The following THSD4 variants were observed in gnomAD, a reference collection of about 807,000 sequenced individuals.
THSD4 encodes the protein thrombospondin type 1 domain containing 4.
In THSD4, 69 loss-of-function variants were observed where a neutral mutation model predicts 119.0. The observed-to-expected ratio is 0.58, with a 90% CI of 0.48 to 0.71. The LOEUF is 0.71. THSD4 is among the 30% of genes least tolerant of loss of function. The pLI is 0.00. For missense variants in THSD4, 1,393 were observed against 1,391.1 expected, an observed-to-expected ratio of 1.00 and a Z score of -0.02; for synonymous variants, 524 against 540.4, an observed-to-expected ratio of 0.97 and a Z score of 0.42.
At chr15:71,676,376 G>T (rs1390726708) in intron 8 of THSD4, among the ~76,000 whole-genome samples, 2 of 152,046 alleles carry the variant, frequency 1.3e-5, no homozygotes, top group African/African-American at 4.8e-5. Context: ...CTGCCTCCCG[G>T]GTTCAAGCGA....
chr15:71,163,149 A>G (rs943997771), intron 3 of THSD4, among the ~76,000 whole-genome samples: 14 of 151,902 alleles, frequency 9.2e-5, no homozygotes, highest in African/African-American at 2.9e-4. Flanking sequence ...CTTTGGGGTC[A>G]GTTAATGAAG....
intron 10 of THSD4, chr15:71,732,466 C>T (rs1052256172): frequency 6.6e-6 from 1 of 152,144 alleles, no homozygotes; most frequent in African/African-American, 2.4e-5. Context: ...TGATGGAGCC[C>T]ACCACCCAAA....
At chr15:71,320,698 A>G (rs1480549729) in intron 6 of THSD4, among the ~76,000 whole-genome samples, 1 of 152,210 alleles carries the variant, frequency 6.6e-6, no homozygotes, top group Non-Finnish European at 1.5e-5. Flanking sequence ...TGGGACTCGC[A>G]CTGCTTGTCC....
chr15:71,716,504 AT>A (rs2052609716), intron 8 of THSD4, among the ~76,000 whole-genome samples: 2 of 150,594 alleles, frequency 1.3e-5, no homozygotes, highest in Admixed American at 6.6e-5. Flanking sequence ...GCACTGGAGT[AT>A]TGATTTAATT....
At chr15:71,382,422 A>G (rs1596385610) in intron 6 of THSD4, among the ~76,000 whole-genome samples, 1 of 152,304 alleles carries the variant, frequency 6.6e-6, no homozygotes, top group East Asian at 1.9e-4. Flanking sequence ...ATTTCCTTCT[A>G]ATTTTAGCCA....
intron 7 of THSD4, among the ~76,000 whole-genome samples, chr15:71,522,237 C>G (rs1404391302): frequency 6.6e-6 from 1 of 152,138 alleles, no homozygotes; most frequent in Admixed American, 6.6e-5. Context: ...TAAAATAAAA[C>G]CCTGCTCATT....
At chr15:71,250,029 G>T (rs1202700357) in intron 5 of THSD4, among the ~76,000 whole-genome samples, 1 of 152,150 alleles carries the variant, frequency 6.6e-6, no homozygotes, top group Non-Finnish European at 1.5e-5. Context: ...TCCTTTGCAA[G>T]GTTAGAAATG....
At chr15:71,547,366 G>A (rs1235311233) in intron 7 of THSD4, 1 of 1,548,562 alleles carries the variant, frequency 6.5e-7, no homozygotes, top group Non-Finnish European at 8.7e-7. Flanking sequence ...TTAGCACTTG[G>A]CAGACGGAGT....
upstream of THSD4, chr15:71,114,969 G>C (rs2040342991): frequency 6.6e-6 from 1 of 152,314 alleles, no homozygotes; most frequent in South Asian, 2.1e-4. Context: ...CCTGCCCTTA[G>C]AGTCACCGCC....
At chr15:71,531,954 C>A (rs945074366) in intron 7 of THSD4, among the ~76,000 whole-genome samples, 3 of 152,156 alleles carry the variant, frequency 2.0e-5, no homozygotes, top group African/African-American at 7.2e-5. Flanking sequence ...CTCCAGCTCA[C>A]CCATAACCCC....
At chr15:71,649,112 A>C (rs778869423) in intron 7 of THSD4, among the ~76,000 whole-genome samples, 10 of 152,156 alleles carry the variant, frequency 6.6e-5, no homozygotes, top group South Asian at 2.1e-4. Context: ...CTTCAGATTC[A>C]AAGTCCTTAG....
intron 7 of THSD4, among the ~76,000 whole-genome samples, chr15:71,628,234 G>T (rs1161192376): frequency 6.6e-6 from 1 of 152,126 alleles, no homozygotes; most frequent in Non-Finnish European, 1.5e-5. Context: ...ATTGACAGAG[G>T]AGCAGAAGCC....
At chr15:71,687,005 C>T (rs915161220) in intron 8 of THSD4, among the ~76,000 whole-genome samples, 2 of 152,140 alleles carry the variant, frequency 1.3e-5, no homozygotes, top group Non-Finnish European at 2.9e-5. Context: ...GAGAGTTCTA[C>T]CAGCACGCAG....
At chr15:71,159,965 C>T (rs879932630) in intron 3 of THSD4, among the ~76,000 whole-genome samples, 10 of 151,948 alleles carry the variant, frequency 6.6e-5, no homozygotes, top group Non-Finnish European at 8.8e-5. Context: ...TTGTCATATA[C>T]GACCTTTATT....
intron 6 of THSD4, among the ~76,000 whole-genome samples, chr15:71,322,392 T>A (rs1007642453): frequency 2.0e-5 from 3 of 152,188 alleles, no homozygotes; most frequent in Non-Finnish European, 2.9e-5. Context: ...TCAGAAAAAC[T>A]TGCTAGGCCT....
chr15:71,716,561 G>GGT (rs57999390), intron 8 of THSD4, among the ~76,000 whole-genome samples: 3,550 of 144,578 alleles, frequency 0.025, 72 homozygotes, highest in Non-Finnish European at 0.037. Context: ...TAGAGTGTGG[G>GGT]GTGTGTGTGT....
chr15:71,499,346 G>T (rs1849158640), intron 7 of THSD4, among the ~76,000 whole-genome samples: 1 of 152,048 alleles, frequency 6.6e-6, no homozygotes, highest in South Asian at 2.1e-4. Context: ...TCAAACACTT[G>T]AGTTTTTGAA....
At chr15:71,739,108 A>AAG (rs1567129135) in intron 11 of THSD4, among the ~76,000 whole-genome samples, 1 of 152,070 alleles carries the variant, frequency 6.6e-6, no homozygotes, top group East Asian at 1.9e-4. Flanking sequence ...GAAAAAAAAA[A>AAG]AAAAAACAAA....
chr15:71,489,912 C>T (rs1156532125), intron 7 of THSD4, among the ~76,000 whole-genome samples: 1 of 151,970 alleles, frequency 6.6e-6, no homozygotes, highest in Admixed American at 6.6e-5. Context: ...AAATTAAAAC[C>T]ACCATCACTG....
Sources: gnomAD v4.1 joint callset for allele counts (sites outside exome capture counted in the v4.1 genomes callset) on GRCh38, gnomAD v4.1.1 for gene constraint, MANE v1.5 for transcripts, NCBI Gene and HGNC (gene_info 2026-07-23, HGNC 2026-07-21) for gene names.